The following TFCP2L1 variants were observed in gnomAD, a reference collection of about 807,000 sequenced individuals.
The protein encoded by TFCP2L1 is transcription factor CP2 like 1, also known as transcription factor CP2-like protein 1.
In TFCP2L1, 12 loss-of-function variants were observed where a neutral mutation model predicts 72.2. The observed-to-expected ratio is 0.17, with a 90% confidence interval of 0.11 to 0.27. The LOEUF (loss-of-function observed/expected upper bound fraction) is 0.27. TFCP2L1 is among the 10% of genes least tolerant of loss of function. The pLI is 1.00. For synonymous variants in TFCP2L1, 260 were observed against 251.0 expected (o/e 1.04, Z -0.34); for missense variants, 488 against 624.6 (o/e 0.78, Z 2.33).
chr2:121,243,339 A>AGGGGGCACCTT (rs1686416190), intron 6 of TFCP2L1, among the ~76,000 whole-genome samples: 1 of 152,202 alleles, frequency 6.6e-6, no homozygotes, highest in Admixed American at 6.5e-5. Flanking sequence ...TTTTCATTCC[A>AGGGGGCACCTT]GGGGGCACCT....
intron 1 of TFCP2L1, among the ~76,000 whole-genome samples, chr2:121,284,359 G>C (rs1347867738): frequency 6.6e-6 from 1 of 152,240 alleles, no homozygotes; most frequent in Non-Finnish European, 1.5e-5. Flanking sequence ...GGGAGCGAGA[G>C]CACACGGGGT....
intron 11 of TFCP2L1, 68 bp from the exon 12 acceptor site, chr2:121,234,262 G>T: frequency 7.0e-7 from 1 of 1,430,576 alleles, no homozygotes; most frequent in Non-Finnish European, 9.8e-7. Context: ...GAATATTCCA[G>T]GATGGAAACA....
At chr2:121,278,226 C>T (rs1687185741) in intron 2 of TFCP2L1, among the ~76,000 whole-genome samples, 1 of 147,238 alleles carries the variant, frequency 6.8e-6, no homozygotes, top group Admixed American at 6.7e-5. Context: ...TTAGTAGAGA[C>T]GGGGTTTCAC....
chr2:121,241,202 G>A (rs1383878453), intron 7 of TFCP2L1, among the ~76,000 whole-genome samples: 1 of 152,226 alleles, frequency 6.6e-6, no homozygotes, highest in Non-Finnish European at 1.5e-5. Flanking sequence ...AACTCGTAAA[G>A]GGAAGAGGAG....
At chr2:121,283,237 G>A (rs1177466198) in intron 1 of TFCP2L1, among the ~76,000 whole-genome samples, 2 of 152,184 alleles carry the variant, frequency 1.3e-5, no homozygotes, top group Non-Finnish European at 2.9e-5. Flanking sequence ...CAGAAAGGGG[G>A]AAGGGAGTAA....
At chr2:121,281,783 C>T (rs1414542773) in intron 1 of TFCP2L1, among the ~76,000 whole-genome samples, 2 of 152,126 alleles carry the variant, frequency 1.3e-5, no homozygotes, top group Non-Finnish European at 2.9e-5. Context: ...CACTTCCTTC[C>T]CTCCCTGAGT....
intron 12 of TFCP2L1, 149 bp from the exon 13 acceptor site, chr2:121,232,117 G>T (rs141400034): frequency 6.7e-6 from 1 of 149,432 alleles, no homozygotes; most frequent in Non-Finnish European, 1.3e-5. Flanking sequence ...TTTTTGTTTT[G>T]TTTTGTTTTG....
At chr2:121,278,401 G>A (rs1423956893) in intron 2 of TFCP2L1, among the ~76,000 whole-genome samples, 2 of 149,720 alleles carry the variant, frequency 1.3e-5, no homozygotes, top group East Asian at 2.0e-4. Flanking sequence ...AAAAAACCTA[G>A]TAGGCTGGGC....
At chr2:121,242,169 T>C (rs912783692) in intron 7 of TFCP2L1, among the ~76,000 whole-genome samples, 190 bp downstream of exon 7, 4 of 151,124 alleles carry the variant, frequency 2.6e-5, no homozygotes, top group African/African-American at 9.8e-5. Flanking sequence ...AAGTTATTTC[T>C]GAAATACCTC....
chr2:121,237,898 C>T (rs374188553), intron 8 of TFCP2L1, 48 bp from the exon 9 acceptor site: 4 of 1,604,970 alleles, frequency 2.5e-6, no homozygotes, highest in South Asian at 1.1e-5. Context: ...GCTCCCAGGG[C>T]AATGGCCACG....
chr2:121,273,110 C>T (rs143894977), intron 2 of TFCP2L1, among the ~76,000 whole-genome samples: 31 of 152,288 alleles, frequency 2.0e-4, no homozygotes, highest in Non-Finnish European at 1.3e-4. Context: ...GGAAATTTTA[C>T]TCCATGAATG....
rs1278685671 is a variant in TFCP2L1, at chr2:121,220,744, C to T, written c.*3597G>A. ...ATCAAATGAAAAATAAAACCTGGAGCTTTAGCTCATCTGACCCCTGTGGAA... is the reference window on the plus strand; with the variant it reads ...ATCAAATGAAAAATAAAACCTGGAGTTTTAGCTCATCTGACCCCTGTGGAA... On this transcript the variant is annotated 3_prime_UTR_variant, in exon 15 of 15. Coordinates refer to ENST00000263707, the MANE Select transcript of TFCP2L1 (RefSeq NM_014553.3). 1 of 152,220 alleles carries T rather than the reference C, an allele frequency of 6.6e-6. No homozygotes were observed. The highest frequency in any genetic ancestry group is 1.5e-5 in the Non-Finnish European group (1 of 68,054). The allele number at this position is 152,220 out of a possible 1,614,324, so 9.4% of individuals were successfully genotyped here. A position where few individuals can be genotyped will look rare whatever the true frequency, so the allele number is the denominator to read the frequency against.
intron 1 of TFCP2L1, among the ~76,000 whole-genome samples, chr2:121,281,708 C>T (rs898255257): frequency 6.6e-5 from 10 of 152,162 alleles, no homozygotes; most frequent in Middle Eastern, 3.4e-3. Flanking sequence ...TTCCATTTAC[C>T]GGCCACTTCT....
In TFCP2L1 at chr2:121,281,198, G is replaced by A. The variant is rs1299384312; in HGVS notation, c.136C>T (p.Pro46Ser). Reference protein sequence around the residue: ...LSPENEARLPPLQYVLCAATS... With the variant: ...LSPENEARLPSLQYVLCAATS... ...GCAGCACACAACACATATTGCAGGG[G>A]TGGCAGGCGGGCCTCGTTCTCGGGG... The change falls in exon 2 of 15, where the codon CCC becomes TCC. Residue 46 changes from proline (P) to serine (S), a missense_variant. Coordinates refer to ENST00000263707, the MANE Select transcript of TFCP2L1 (RefSeq NM_014553.3). 38 of 1,613,498 alleles carry A rather than the reference G, an allele frequency of 2.4e-5. No individual in the cohort carries two copies. Among genetic ancestry groups the A allele is most frequent in the Admixed American group, 3.3e-5 (2 of 59,956 alleles).
intron 10 of TFCP2L1, among the ~76,000 whole-genome samples, chr2:121,236,543 C>G (rs1686252394): frequency 6.6e-6 from 1 of 152,188 alleles, no homozygotes; most frequent in Admixed American, 6.5e-5. Context: ...CCCAAGGCCA[C>G]AATTCCCACT....
Position 121,285,198 on chromosome 2 carries a change from A to C in TFCP2L1, c.-89T>G, listed in dbSNP as rs572969589. ...GACCCAGCGGCGGCTTCGCGCTCCG[A>C]ACCCGCGGTGCCGGCCGGCTCGGCG... On this transcript the variant is annotated 5_prime_UTR_variant, in exon 1 of 15. Coordinates refer to ENST00000263707, the MANE Select transcript of TFCP2L1 (RefSeq NM_014553.3). 630 of 1,171,878 alleles carry C rather than the reference A, an allele frequency of 5.4e-4. 17 individuals carry two copies. The South Asian group carries it at 0.015, about 27-fold the overall frequency. The allele number at this position is 1,171,878 out of a possible 1,614,324, so 72.6% of individuals were successfully genotyped here.
chr2:121,248,972 G>A lies in TFCP2L1; in HGVS notation c.397+10C>T, dbSNP rs1332643782. 6 of 1,576,254 alleles carry A rather than the reference G, an allele frequency of 3.8e-6. No individual in the cohort carries two copies. Among genetic ancestry groups the A allele is most frequent in the Non-Finnish European group, 5.2e-6 (6 of 1,161,596 alleles). On this transcript the variant is annotated intron_variant, in intron 4 of 14. Transcript: ENST00000263707. ...AGCCTTGCCTGGCCTCTCCTGGCCA[G>A]GAGACTCACCGATGTCCAGGATCCG...
chr2:121,272,203 T>G (rs556099399), intron 2 of TFCP2L1, among the ~76,000 whole-genome samples: 3 of 152,232 alleles, frequency 2.0e-5, no homozygotes, highest in East Asian at 3.9e-4. Context: ...GGAAGCCTGA[T>G]TTCACCCTCT....
intron 2 of TFCP2L1, among the ~76,000 whole-genome samples, chr2:121,273,955 G>A (rs576234034): frequency 1.3e-5 from 2 of 152,118 alleles, no homozygotes; most frequent in African/African-American, 2.4e-5. Context: ...TTAGCCTGGC[G>A]TGGTAGTGGG....
Sources: allele counts gnomAD v4.1 joint callset (sites outside exome capture counted in the v4.1 genomes callset), GRCh38; gene constraint gnomAD v4.1.1; transcripts MANE v1.5; gene names NCBI Gene and HGNC (gene_info 2026-07-23, HGNC 2026-07-21).